Variants in PDE6C observed in about 807,000 individuals in gnomAD.
The protein encoded by PDE6C is phosphodiesterase 6C.
In PDE6C, 75 loss-of-function variants were observed where a neutral mutation model predicts 113.1. The ratio of observed to expected loss-of-function variants is 0.66; its 90% CI spans 0.55 to 0.80. PDE6C has a LOEUF of 0.80. PDE6C is among the 30% of genes least tolerant of loss of function. PDE6C has a pLI of 0.00. For missense variants in PDE6C, 912 were observed against 1,038.6 expected (o/e 0.88, Z 1.67); for synonymous variants, 375 against 363.7 (o/e 1.03, Z -0.35).
Position 93,626,813 on chromosome 10 carries a change from C to T in PDE6C, c.1013C>T (p.Pro338Leu), listed in dbSNP as rs534544480. Reference sequence around the variant, plus strand: ...TTCTTCTCTTCCCCAAGGACGCCTCCTGCAGACCACTGGACACTCATTAGT... The same window carrying T: ...TTCTTCTCTTCCCCAAGGACGCCTCTTGCAGACCACTGGACACTCATTAGT... ...KEEIKVIPTP[P>L]ADHWTLISGL... Residue 338 changes from proline to leucine, a missense_variant, in exon 7 of 22, where the codon CCT becomes CTT. By Grantham distance (98) the Pro-to-Leu change is moderately conservative. Coordinates refer to ENST00000371447, the MANE Select transcript of PDE6C (RefSeq NM_006204.4). 6 of 1,614,006 alleles carry T rather than the reference C, an allele frequency of 3.7e-6. No homozygotes were observed. In the South Asian group the frequency reaches 6.6e-5, roughly 18 times the overall value.
At chr10:93,644,464 TA>T (rs924179252) in intron 14 of PDE6C, among the ~76,000 whole-genome samples, 5 of 152,134 alleles carry the variant, frequency 3.3e-5, no homozygotes, top group African/African-American at 1.2e-4. Flanking sequence ...GGGTACATGA[TA>T]TTTTGATACA....
At chr10:93,615,742 A>G (rs1244400471) in intron 1 of PDE6C, among the ~76,000 whole-genome samples, 1 of 152,188 alleles carries the variant, frequency 6.6e-6, no homozygotes, top group Non-Finnish European at 1.5e-5. Flanking sequence ...CAATGTTGAA[A>G]ACCACTGGTC....
chr10:93,662,484 A>AAT, intron 19 of PDE6C, 76 bp from the exon 20 acceptor site: 1 of 593,266 alleles, frequency 1.7e-6, no homozygotes, highest in Non-Finnish European at 3.1e-6. Flanking sequence ...AAAAAAAAAA[A>AAT]GTTATCAGGA....
chr10:93,650,197 C>T (rs1362548079), intron 15 of PDE6C, among the ~76,000 whole-genome samples: 1 of 152,150 alleles, frequency 6.6e-6, no homozygotes, highest in Non-Finnish European at 1.5e-5. Flanking sequence ...GCATTGGTTT[C>T]TTTCACGCAA....
At chr10:93,620,336 T>C (rs1215725461) in intron 1 of PDE6C, among the ~76,000 whole-genome samples, 1 of 152,162 alleles carries the variant, frequency 6.6e-6, no homozygotes, top group African/African-American at 2.4e-5. Flanking sequence ...CTCTTCCTCT[T>C]AGCACCTCAC....
At chr10:93,623,943 C>T (rs1336757711) in intron 4 of PDE6C, among the ~76,000 whole-genome samples, 1 of 152,008 alleles carries the variant, frequency 6.6e-6, no homozygotes, top group African/African-American at 2.4e-5. Flanking sequence ...TTCTTGGCTT[C>T]TTCATCTGTA....
chr10:93,638,874 G>A (rs1008593323), intron 11 of PDE6C, among the ~76,000 whole-genome samples: 25 of 152,300 alleles, frequency 1.6e-4, no homozygotes, highest in Admixed American at 1.6e-3. Context: ...CAGGCTCAGG[G>A]GCTGGGGGAA....
intron 4 of PDE6C, among the ~76,000 whole-genome samples, chr10:93,622,666 T>TTTTTTTTTG: frequency 1.1e-5 from 1 of 87,408 alleles, no homozygotes. Flanking sequence ...TTTTTTGTTG[T>TTTTTTTTTG]TTTTTTTTTT....
intron 1 of PDE6C, among the ~76,000 whole-genome samples, chr10:93,616,181 G>A (rs1383374761): frequency 6.6e-6 from 1 of 152,170 alleles, no homozygotes; most frequent in African/African-American, 2.4e-5. Context: ...AGGTAGACAG[G>A]AAGTGGCAGA....
At position 93,622,639 on chromosome 10, in the gene PDE6C, G is replaced by GTTTTTTTTTTTTTTTTTTTTTT. The variant is rs67350128; in HGVS notation, c.864+577_864+578insTTTTTTTTTTTTTTTTTTTTTT. Among the ~76,000 whole-genome samples, 10 of 113,988 alleles carry GTTTTTTTTTTTTTTTTTTTTTT rather than the reference G, an allele frequency of 8.8e-5. 1 individual carries two copies. The highest frequency in any genetic ancestry group is 3.4e-4 in the African/African-American group (9 of 26,758). 74.8% of individuals were successfully genotyped at this position (113,988 alleles called of 152,430 possible). On this transcript the variant is annotated intron_variant, in intron 4 of 21. Transcript: ENST00000371447. ...CCTTCCAAACTCCTGGTAGCCACAG[G>GTTTTTTTTTTTTTTTTTTTTTT]TTTTTTTTTTGTTTTTTTTTTTGTT...
Position 93,665,652 on chromosome 10 carries a change from T to TA in PDE6C, c.*240dup. On this transcript the variant is annotated 3_prime_UTR_variant, in exon 22 of 22. Coordinates refer to ENST00000371447, the MANE Select transcript of PDE6C (RefSeq NM_006204.4). Reference sequence around the variant, plus strand: ...TTTTTGGTGCCAATTTATTTTAAATTAAAAAATATGCAATCCTGAAACTAG... The same window carrying TA: ...TTTTTGGTGCCAATTTATTTTAAATTAAAAAAATATGCAATCCTGAAACTAG... 1 of 529,092 alleles carries TA rather than the reference T, an allele frequency of 1.9e-6. No individual in the cohort carries two copies. Among genetic ancestry groups the TA allele is most frequent in the Non-Finnish European group, 3.4e-6 (1 of 296,230 alleles). 32.8% of individuals were successfully genotyped at this position (529,092 alleles called of 1,614,324 possible).
chr10:93,613,059 T>C lies in PDE6C; in HGVS notation c.334T>C (p.Ser112Pro). The C allele has an allele frequency of 5.0e-6, 8 of 1,614,202 alleles. No homozygotes were observed. The highest frequency in any genetic ancestry group is 6.8e-6 in the Non-Finnish European group (8 of 1,180,040). ...CCGGAACGGCATACCTGAGGTGGCCTCTAGGTTGCTGGATGTCACCCCCAC... is the reference window on the plus strand; with the variant it reads ...CCGGAACGGCATACCTGAGGTGGCCCCTAGGTTGCTGGATGTCACCCCCAC... ...RSRNGIPEVASRLLDVTPTSK... is the reference protein window; with the variant it reads ...RSRNGIPEVAPRLLDVTPTSK... The change falls in exon 1 of 22, where the codon TCT becomes CCT. Residue 112 changes from serine to proline, a missense_variant. Transcript: ENST00000371447.
intron 4 of PDE6C, among the ~76,000 whole-genome samples, chr10:93,623,273 A>T (rs1226471553): frequency 2.0e-5 from 3 of 152,212 alleles, no homozygotes; most frequent in Admixed American, 1.3e-4. Flanking sequence ...TCTTAGAGAG[A>T]TAGCTGCTCA....
In PDE6C at chr10:93,633,474, AAAAAAAT is replaced by A. The variant is rs1390564869; in HGVS notation, c.1120-1277_1120-1271del. On this transcript the variant is annotated intron_variant, in intron 8 of 21. Transcript: ENST00000371447. ...CAGTGAGACCCTGTCTCAAAAAAAA[AAAAAAAT>A]AAAAAAAAATAAACAAGCTAAAACA... 2.3e-5 allele frequency among the ~76,000 whole-genome samples: 3 copies of A among 130,492 alleles called. No homozygotes were observed. In the Admixed American group the frequency reaches 2.5e-4, roughly 11 times the overall value. The allele number at this position is 130,492 out of a possible 152,430, so 85.6% of individuals were successfully genotyped here.
intron 1 of PDE6C, among the ~76,000 whole-genome samples, chr10:93,620,321 C>T (rs11187555): frequency 0.098 from 14,889 of 152,148 alleles, 1,347 homozygotes; most frequent in East Asian, 0.47. Flanking sequence ...CTTGTGCCTT[C>T]CCCTCTCTTC....
intron 8 of PDE6C, among the ~76,000 whole-genome samples, chr10:93,630,243 T>A (rs1053311811): frequency 9.2e-5 from 14 of 152,112 alleles, no homozygotes; most frequent in African/African-American, 3.1e-4. Flanking sequence ...AATCAGCTTC[T>A]GTATGTGCTA....
intron 15 of PDE6C, 100 bp from the exon 16 acceptor site, chr10:93,655,660 A>AAAT: frequency 2.8e-6 from 2 of 716,314 alleles, no homozygotes; most frequent in South Asian, 1.5e-5. Flanking sequence ...CAAACAAAAA[A>AAAT]GTGTTGAAAG....
intron 7 of PDE6C, among the ~76,000 whole-genome samples, chr10:93,627,983 G>A (rs2058482082): frequency 6.6e-6 from 1 of 152,162 alleles, no homozygotes; most frequent in Non-Finnish European, 1.5e-5. Context: ...ATTTAAGGAG[G>A]GAGCCCACTT....
At chr10:93,619,169 A>G (rs2058433913) in intron 1 of PDE6C, among the ~76,000 whole-genome samples, 2 of 152,134 alleles carry the variant, frequency 1.3e-5, no homozygotes, top group Admixed American at 1.3e-4. Flanking sequence ...AAGCCCTTCC[A>G]TTTGTGCGCT....
Sources: gnomAD v4.1 joint callset for allele counts (sites outside exome capture counted in the v4.1 genomes callset) on GRCh38, gnomAD v4.1.1 for gene constraint, MANE v1.5 for transcripts, NCBI Gene and HGNC (gene_info 2026-07-23, HGNC 2026-07-21) for gene names.